SMOC1: variants seen among roughly 807,000 people sequenced by gnomAD.
SMOC1 encodes SPARC related modular calcium binding 1.
In SMOC1, 22 loss-of-function variants were observed where a neutral mutation model predicts 56.3. The ratio of observed to expected loss-of-function variants is 0.39; its 90% CI spans 0.28 to 0.56. The LOEUF (loss-of-function observed/expected upper bound fraction) is 0.56, where lower values mean the gene tolerates loss of function less well. Ranked by LOEUF, SMOC1 falls within the 20% of genes least tolerant of loss-of-function variation. The pLI, the probability that SMOC1 is intolerant of heterozygous loss-of-function variation, is 0.61. For missense variants in SMOC1, 509 were observed against 565.4 expected, an observed-to-expected ratio of 0.90 and a Z score of 1.01; for synonymous variants, 193 against 215.0, an observed-to-expected ratio of 0.90 and a Z score of 0.89.
intron 1 of SMOC1, among the ~76,000 whole-genome samples, chr14:69,903,383 C>G (rs1173891471): frequency 6.6e-6 from 1 of 151,932 alleles, no homozygotes; most frequent in Non-Finnish European, 1.5e-5. Context: ...TCGGCCCGGC[C>G]GCCACCCCGT....
chr14:70,005,247 A>G (rs983038795), intron 7 of SMOC1, among the ~76,000 whole-genome samples: 4 of 152,236 alleles, frequency 2.6e-5, no homozygotes, highest in Admixed American at 6.5e-5. Context: ...TCTGGGCTAA[A>G]ATCAAGTCTG....
At chr14:70,018,394 A>T (rs1171037074) in intron 10 of SMOC1, among the ~76,000 whole-genome samples, 1 of 152,236 alleles carries the variant, frequency 6.6e-6, no homozygotes, top group African/African-American at 2.4e-5. Context: ...ATTAGCAAAA[A>T]ACAGTGCTAC....
At chr14:69,895,568 C>A (rs1165857789) in intron 1 of SMOC1, among the ~76,000 whole-genome samples, 2 of 152,284 alleles carry the variant, frequency 1.3e-5, no homozygotes, top group East Asian at 3.9e-4. Flanking sequence ...TGAGGAGGGT[C>A]TGAAAGTGAC....
intron 3 of SMOC1, among the ~76,000 whole-genome samples, chr14:69,954,069 G>C (rs564820958): frequency 3.1e-4 from 47 of 152,258 alleles, no homozygotes; most frequent in Middle Eastern, 6.8e-3. Flanking sequence ...TAAAACCTAA[G>C]TCAGGCAGTC....
At chr14:69,969,829 C>A (rs1397135971) in intron 3 of SMOC1, among the ~76,000 whole-genome samples, 2 of 152,144 alleles carry the variant, frequency 1.3e-5, no homozygotes, top group Admixed American at 1.3e-4. Context: ...CCAGAGGACA[C>A]CTTTATCCCT....
At chr14:69,925,304 A>G (rs1308705599) in intron 1 of SMOC1, among the ~76,000 whole-genome samples, 1 of 151,418 alleles carries the variant, frequency 6.6e-6, no homozygotes, top group African/African-American at 2.4e-5. Flanking sequence ...TAGGGGAGGT[A>G]AGATGTGACT....
At chr14:70,019,591 G>A (rs555819705) in intron 10 of SMOC1, among the ~76,000 whole-genome samples, 8 of 152,308 alleles carry the variant, frequency 5.3e-5, no homozygotes, top group African/African-American at 1.9e-4. Flanking sequence ...CAGGTTGGGA[G>A]CCTGAGGCCA....
intron 3 of SMOC1, among the ~76,000 whole-genome samples, chr14:69,962,999 A>G (rs1405591525): frequency 2.0e-5 from 3 of 152,082 alleles, no homozygotes; most frequent in Non-Finnish European, 2.9e-5. Flanking sequence ...CTGTTTTTCC[A>G]TCTTGAATTG....
intron 3 of SMOC1, among the ~76,000 whole-genome samples, chr14:69,964,356 G>A (rs559752627): frequency 6.6e-6 from 1 of 151,396 alleles, no homozygotes; most frequent in Non-Finnish European, 1.5e-5. Flanking sequence ...GTAATGGGAG[G>A]CTTCAGTCAC....
At chr14:70,001,513 T>G (rs911402811) in intron 7 of SMOC1, among the ~76,000 whole-genome samples, 6 of 152,198 alleles carry the variant, frequency 3.9e-5, no homozygotes, top group African/African-American at 1.4e-4. Context: ...CTTAGCTATA[T>G]GTGCATATTT....
intron 7 of SMOC1, among the ~76,000 whole-genome samples, chr14:69,998,425 T>C (rs1884850084): frequency 7.1e-6 from 1 of 140,516 alleles, no homozygotes; most frequent in Non-Finnish European, 1.6e-5. Context: ...GAACTCTTGC[T>C]AAGTTTTTTT....
chr14:69,955,852 A>G (rs980513898), intron 3 of SMOC1, among the ~76,000 whole-genome samples: 2 of 152,248 alleles, frequency 1.3e-5, no homozygotes, highest in Non-Finnish European at 2.9e-5. Flanking sequence ...GTGGGGAGGA[A>G]TCAGACTTCT....
intron 3 of SMOC1, among the ~76,000 whole-genome samples, chr14:69,956,275 A>G (rs1883181501): frequency 6.6e-6 from 1 of 152,204 alleles, no homozygotes; most frequent in African/African-American, 2.4e-5. Flanking sequence ...CAGCGGGCCC[A>G]TCCCAGCTAC....
chr14:70,029,813 C>T (rs921437483), intron 11 of SMOC1, among the ~76,000 whole-genome samples: 5 of 152,136 alleles, frequency 3.3e-5, no homozygotes, highest in Admixed American at 1.3e-4. Flanking sequence ...GCTGAGGACA[C>T]GAGAGAACTA....
chr14:69,907,626 A>G (rs1884446082), intron 1 of SMOC1, among the ~76,000 whole-genome samples: 1 of 152,240 alleles, frequency 6.6e-6, no homozygotes, highest in South Asian at 2.1e-4. Flanking sequence ...ACATTCGGTA[A>G]GACAGAAAAC....
At chr14:69,921,559 C>T (rs1566673960) in intron 1 of SMOC1, among the ~76,000 whole-genome samples, 2 of 152,168 alleles carry the variant, frequency 1.3e-5, no homozygotes, top group African/African-American at 4.8e-5. Flanking sequence ...TGGGGCCTCA[C>T]AGGTGAGTAG....
At chr14:69,913,202 T>A (rs1464219587) in intron 1 of SMOC1, among the ~76,000 whole-genome samples, 1 of 152,202 alleles carries the variant, frequency 6.6e-6, no homozygotes, top group Non-Finnish European at 1.5e-5. Flanking sequence ...GGTAACAAAA[T>A]CATTCCTCTA....
At chr14:70,008,111 A>T (rs1885208543) in intron 7 of SMOC1, among the ~76,000 whole-genome samples, 1 of 150,456 alleles carries the variant, frequency 6.6e-6, no homozygotes, top group African/African-American at 2.5e-5. Flanking sequence ...GAGCTTTATC[A>T]TTTTTATTAT....
At chr14:69,934,049 A>G (rs1885234803) in intron 1 of SMOC1, among the ~76,000 whole-genome samples, 1 of 152,180 alleles carries the variant, frequency 6.6e-6, no homozygotes, top group South Asian at 2.1e-4. Flanking sequence ...TGTAACTGCC[A>G]TATTTCCCTG....
Sources: allele counts gnomAD v4.1 joint callset (sites outside exome capture counted in the v4.1 genomes callset), GRCh38; gene constraint gnomAD v4.1.1; transcripts MANE v1.5; gene names NCBI Gene and HGNC (gene_info 2026-07-23, HGNC 2026-07-21).